ABHD6: variants seen among roughly 807,000 people sequenced by gnomAD.
ABHD6 encodes the protein abhydrolase domain containing 6, acylglycerol lipase, also known as monoacylglycerol lipase ABHD6.
ABHD6 carries 33 observed loss-of-function variants against 38.8 expected under a neutral mutation model. That is an observed-to-expected ratio of 0.85 (90% CI 0.64 to 1.14). The LOEUF is 1.14. Among genes scored for constraint, ABHD6 ranks in the 50% most tolerant of loss-of-function variants. The pLI, the probability that ABHD6 is intolerant of heterozygous loss-of-function variation, is 0.00. For synonymous variants in ABHD6, 147 were observed against 161.6 expected (o/e 0.91, Z 0.69); for missense variants, 380 against 422.6 (o/e 0.90, Z 0.88).
chr3:58,252,167 A>G lies in ABHD6; in HGVS notation c.-26+2225A>G, dbSNP rs559675029. 1.5e-3 allele frequency among the ~76,000 whole-genome samples: 224 copies of G among 150,228 alleles called. 2 individuals are homozygous for G. The highest frequency in any genetic ancestry group is 2.5e-4 in the Non-Finnish European group (17 of 67,868). ...CAGTGGCAGCCATTCAAGGATGACC[A>G]TCACGATTTTTGCTATATTCATGTG... On this transcript the variant is annotated intron_variant, in intron 2 of 9. Coordinates refer to ENST00000478253, the MANE Select transcript of ABHD6 (RefSeq NM_001320126.2).
At position 58,293,939 on chromosome 3, in the gene ABHD6, C is replaced by T. The variant is rs545639765; in HGVS notation, c.*174C>T. 26 of 579,368 alleles carry T rather than the reference C, an allele frequency of 4.5e-5. No individual in the cohort carries two copies. The Middle Eastern group carries it at 1.4e-3, about 32-fold the overall frequency. 35.9% of individuals were successfully genotyped at this position (579,368 alleles called of 1,614,324 possible). A position where few individuals can be genotyped will look rare whatever the true frequency, so the allele number is the denominator to read the frequency against. ...GTTCCCCAGAGCTTTGGGGACCACG[C>T]GAAAACCTCCAAGATATTTTTCACA... On this transcript the variant is annotated 3_prime_UTR_variant, in exon 10 of 10. Transcript: ENST00000478253. This position sits in a 1 kb window ranked among gnomAD's most constrained non-coding sequence, Gnocchi z 4.4.
chr3:58,262,953 T>C (rs1308606788), intron 3 of ABHD6, among the ~76,000 whole-genome samples: 1 of 152,178 alleles, frequency 6.6e-6, no homozygotes, highest in Non-Finnish European at 1.5e-5. Flanking sequence ...CCCACGCCTG[T>C]AATCCCAGCA....
At position 58,262,935 on chromosome 3, in the gene ABHD6, C is replaced by T. The variant is rs962914189; in HGVS notation, c.120-4254C>T. Among the ~76,000 whole-genome samples the T allele has an allele frequency of 3.9e-5, 6 of 152,196 alleles. No homozygotes were observed. In the South Asian group the frequency reaches 8.3e-4, roughly 21 times the overall value. On this transcript the variant is annotated intron_variant, in intron 3 of 9. Coordinates refer to ENST00000478253, the MANE Select transcript of ABHD6 (RefSeq NM_001320126.2). ...AAAAATACAAAAATTAGAGGCTAGG[C>T]GTTGTGGCCCACGCCTGTAATCCCA...
rs2097420925 is a variant in ABHD6 at position 58,238,868 on chromosome 3, T to A, written c.-91+952T>A. Among the ~76,000 whole-genome samples, 1 of 152,130 alleles carries A rather than the reference T, an allele frequency of 6.6e-6. No individual in the cohort carries two copies. Among genetic ancestry groups the A allele is most frequent in the South Asian group, 2.1e-4 (1 of 4,832 alleles). The stretch of plus-strand genomic sequence containing the variant: ...CTCCCGCCTGCTCAGAAATCCCTAG[T>A]GGCTCCACCTGGCTAAGAGTTTAAA... On this transcript the variant is annotated intron_variant, in intron 1 of 9. Transcript: ENST00000478253. This position sits in a 1 kb window ranked among gnomAD's most constrained non-coding sequence, Gnocchi z 6.9.
intron 9 of ABHD6, among the ~76,000 whole-genome samples, chr3:58,286,844 G>GCATATATATA (rs1424175632): frequency 1.0e-4 from 5 of 50,064 alleles, no homozygotes; most frequent in Non-Finnish European, 1.9e-4. Flanking sequence ...GTGTGTGTGT[G>GCATATATATA]TGTGTGTGTA....
intron 7 of ABHD6, among the ~76,000 whole-genome samples, chr3:58,277,758 G>A (rs953861808): frequency 9.9e-5 from 15 of 152,058 alleles, no homozygotes; most frequent in Admixed American, 8.5e-4. Flanking sequence ...GTCATAAATA[G>A]CTCTTATTAT....
At chr3:58,281,793 T>C (rs1342613049) in intron 7 of ABHD6, among the ~76,000 whole-genome samples, 5 of 152,232 alleles carry the variant, frequency 3.3e-5, no homozygotes, top group Admixed American at 3.3e-4. Context: ...ATAGGGGTTA[T>C]ATTTATTATT....
rs1263662219 is a variant in ABHD6 at position 58,267,177 on chromosome 3, C to T, written c.120-12C>T. 4.3e-6 allele frequency: 7 copies of T among 1,613,052 alleles called. No homozygotes were observed. The highest frequency in any genetic ancestry group is 1.1e-5 in the South Asian group (1 of 91,014). On this transcript the variant is annotated splice_polypyrimidine_tract_variant and intron_variant, in intron 3 of 9. Coordinates refer to ENST00000478253, the MANE Select transcript of ABHD6 (RefSeq NM_001320126.2). This position sits in a 1 kb window ranked among gnomAD's most constrained non-coding sequence, Gnocchi z 4.3. ...CTGATTTCGTTTTGTCTTTATTTCT[C>T]ACCCCTTCCAGGTACTGGCGGAGGA... is the stretch of plus-strand genomic sequence containing the variant.
chr3:58,276,659 T>C (rs1225007275), intron 7 of ABHD6, among the ~76,000 whole-genome samples: 1 of 152,248 alleles, frequency 6.6e-6, no homozygotes, highest in East Asian at 1.9e-4. Flanking sequence ...TTGCCATTGC[T>C]TTTGGTGTTT....
chr3:58,265,449 A>G lies in ABHD6; in HGVS notation c.120-1740A>G, dbSNP rs1439511605. On this transcript the variant is annotated intron_variant, in intron 3 of 9. Transcript: ENST00000478253. The surrounding 1 kb of genome is among the most constrained non-coding windows in gnomAD (Gnocchi z 4.2). The stretch of plus-strand genomic sequence containing the variant: ...AATTTTTCCTTTTAATTTTTGGCAA[A>G]TGATGTATTTGGAAGGACAAAATCA... 1.3e-5 allele frequency among the ~76,000 whole-genome samples: 2 copies of G among 152,180 alleles called. No homozygotes were observed. The highest frequency in any genetic ancestry group is 1.5e-5 in the Non-Finnish European group (1 of 68,030).
Position 58,285,211 on chromosome 3 carries a change from A to G in ABHD6, c.736+72A>G, listed in dbSNP as rs752165015. Reference sequence around the variant, plus strand: ...TGTGGATGGATGGCTTTTATTTCTTAAATCTCTGACACTTTGAATGTCTCT... The same window carrying G: ...TGTGGATGGATGGCTTTTATTTCTTGAATCTCTGACACTTTGAATGTCTCT... On this transcript the variant is annotated intron_variant, in intron 8 of 9. Transcript: ENST00000478253. The surrounding 1 kb of genome is among the most constrained non-coding windows in gnomAD (Gnocchi z 4.9). 5.8e-6 allele frequency: 9 copies of G among 1,561,672 alleles called. No homozygotes were observed. The highest frequency in any genetic ancestry group is 7.9e-6 in the Non-Finnish European group (9 of 1,132,442).
At chr3:58,240,204 A>AAGATTGGAAATC (rs2107407734) in intron 1 of ABHD6, among the ~76,000 whole-genome samples, 1 of 152,204 alleles carries the variant, frequency 6.6e-6, no homozygotes, top group Admixed American at 6.5e-5. Context: ...TAGGCTAGCT[A>AAGATTGGAAATC]AGATTGGAAA....
At chr3:58,250,524 TGGGACTATGGG>T (rs1559771249) in intron 2 of ABHD6, among the ~76,000 whole-genome samples, 1 of 151,846 alleles carries the variant, frequency 6.6e-6, no homozygotes, top group Non-Finnish European at 1.5e-5. Flanking sequence ...GCTGGGGTGG[TGGGACTATGGG>T]GTGTGAAAGA....
intron 1 of ABHD6, among the ~76,000 whole-genome samples, chr3:58,239,364 CAG>C (rs2097421262): frequency 6.6e-6 from 1 of 152,118 alleles, no homozygotes; most frequent in African/African-American, 2.4e-5. Flanking sequence ...TTTAAGCACT[CAG>C]AAAGCAGCAG....
intron 6 of ABHD6, among the ~76,000 whole-genome samples, chr3:58,272,874 A>C (rs944883637): frequency 1.3e-5 from 2 of 152,220 alleles, no homozygotes; most frequent in African/African-American, 4.8e-5. Flanking sequence ...AATTGCAGAG[A>C]TATTATAGAG....
In ABHD6 at chr3:58,285,231, G is replaced by A; in HGVS notation, c.736+92G>A. ...TTCTTAAATCTCTGACACTTTGAAT[G>A]TCTCTTTGGGCCCCTGAAGAGAGGA... is the stretch of plus-strand genomic sequence containing the variant. On this transcript the variant is annotated intron_variant, in intron 8 of 9. Transcript: ENST00000478253. This position sits in a 1 kb window ranked among gnomAD's most constrained non-coding sequence, Gnocchi z 4.9. 6.5e-7 allele frequency: 1 copy of A among 1,536,492 alleles called. No individual in the cohort carries two copies. Among genetic ancestry groups the A allele is most frequent in the Non-Finnish European group, 9.0e-7 (1 of 1,109,776 alleles).
intron 2 of ABHD6, among the ~76,000 whole-genome samples, chr3:58,254,136 T>G (rs963697117): frequency 1.3e-5 from 2 of 151,766 alleles, no homozygotes; most frequent in African/African-American, 2.4e-5. Context: ...TAGATTGGAG[T>G]TAGAAATCTG....
At chr3:58,262,886 A>G (rs919626483) in intron 3 of ABHD6, among the ~76,000 whole-genome samples, 14 of 152,182 alleles carry the variant, frequency 9.2e-5, no homozygotes, top group African/African-American at 2.9e-4. Flanking sequence ...CCTAGCCAAC[A>G]TGGTGAAACC....
intron 9 of ABHD6, among the ~76,000 whole-genome samples, chr3:58,290,418 T>C (rs1370900913): frequency 3.1e-5 from 3 of 96,558 alleles, no homozygotes; most frequent in Non-Finnish European, 6.2e-5. Context: ...TAGGGGCGGC[T>C]GGGCAGAGGC....
Sources: gnomAD v4.1 joint callset for allele counts (sites outside exome capture counted in the v4.1 genomes callset) on GRCh38, gnomAD v4.1.1 for gene constraint, Gnocchi (gnomAD v3.1) non-coding constraint, MANE v1.5 for transcripts, NCBI Gene and HGNC (gene_info 2026-07-23, HGNC 2026-07-21) for gene names.